Variants in CDH12 observed in about 807,000 individuals in gnomAD.
CDH12 encodes cadherin 12.
In CDH12, 41 loss-of-function variants were observed where a neutral mutation model predicts 74.1. The ratio of observed to expected loss-of-function variants is 0.55; its 90% CI spans 0.43 to 0.72. The LOEUF is 0.72. Among genes scored for constraint, CDH12 ranks in the 30% least tolerant of loss-of-function variants. The pLI is 0.00. For synonymous variants in CDH12, 399 were observed against 355.0 expected (o/e 1.12, Z -1.39); for missense variants, 945 against 977.2 (o/e 0.97, Z 0.44).
chr5:22,664,392 A>T (rs943869488), intron 1 of CDH12, among the ~76,000 whole-genome samples: 2 of 152,116 alleles, frequency 1.3e-5, no homozygotes, highest in Non-Finnish European at 2.9e-5. Flanking sequence ...GGCAGCAGGA[A>T]GGAGAAGTGC....
chr5:22,842,215 A>G (rs370025747), intron 1 of CDH12, among the ~76,000 whole-genome samples: 1 of 152,204 alleles, frequency 6.6e-6, no homozygotes, highest in Non-Finnish European at 1.5e-5. Context: ...TTTAAAATGC[A>G]AACACGTTAC....
chr5:22,048,052 T>C (rs901877478), intron 5 of CDH12, among the ~76,000 whole-genome samples: 2 of 152,058 alleles, frequency 1.3e-5, no homozygotes, highest in African/African-American at 4.8e-5. Context: ...TTTGCAGGGG[T>C]AGGGGTGTGA....
intron 2 of CDH12, among the ~76,000 whole-genome samples, chr5:22,441,428 G>A (rs1744618368): frequency 6.6e-6 from 1 of 152,042 alleles, no homozygotes; most frequent in Non-Finnish European, 1.5e-5. Flanking sequence ...GAAGAATGTG[G>A]CAATATGCTG....
intron 5 of CDH12, among the ~76,000 whole-genome samples, chr5:22,010,422 A>G (rs1737232091): frequency 6.6e-6 from 1 of 152,226 alleles, no homozygotes; most frequent in Non-Finnish European, 1.5e-5. Context: ...TCCCTGATGT[A>G]ACCTGAGCAA....
Position 22,055,661 on chromosome 5 carries a change from CA to C in CDH12, c.231+22784del, listed in dbSNP as rs548326884. Among the ~76,000 whole-genome samples, 947 of 151,498 alleles carry C rather than the reference CA, an allele frequency of 6.3e-3. 2 individuals are homozygous for C. The highest frequency in any genetic ancestry group is 0.022 in the African/African-American group (908 of 41,136). On this transcript the variant is annotated intron_variant, in intron 5 of 14. Coordinates refer to ENST00000382254, the MANE Select transcript of CDH12 (RefSeq NM_004061.5). Reference sequence around the variant, plus strand: ...TAGCTGCTCATGAGCATTACTTGATCAAAAAAATTCACTTAATATTCATTCA... The same window carrying C: ...TAGCTGCTCATGAGCATTACTTGATCAAAAAATTCACTTAATATTCATTCA...
chr5:22,004,270 T>C (rs1736798975), intron 5 of CDH12, among the ~76,000 whole-genome samples: 1 of 152,214 alleles, frequency 6.6e-6, no homozygotes, highest in South Asian at 2.1e-4. Flanking sequence ...TTTTCTGTAG[T>C]AATTGTCAAA....
chr5:22,208,318 G>C (rs1457557933), intron 4 of CDH12, among the ~76,000 whole-genome samples: 1 of 152,112 alleles, frequency 6.6e-6, no homozygotes, highest in Non-Finnish European at 1.5e-5. Context: ...ACCACTGCAT[G>C]GTATGCCTGG....
chr5:22,715,709 G>A (rs899928165), intron 1 of CDH12, among the ~76,000 whole-genome samples: 26 of 151,350 alleles, frequency 1.7e-4, no homozygotes, highest in African/African-American at 5.8e-4. Flanking sequence ...GCTGAGGCAG[G>A]AGAATCGCTT....
chr5:21,942,847 TG>T lies in CDH12; in HGVS notation c.526+32243del, dbSNP rs572722639. Among the ~76,000 whole-genome samples the T allele has an allele frequency of 8.5e-5, 13 of 152,290 alleles. No homozygotes were observed. The East Asian group carries it at 2.5e-3, about 29-fold the overall frequency. ...AATCTCCAGATAACTTTTAATGAGT[TG>T]GCATTGACTAGTATGAGAAAAACAA... is the stretch of plus-strand genomic sequence containing the variant. On this transcript the variant is annotated intron_variant, in intron 6 of 14. Coordinates refer to ENST00000382254, the MANE Select transcript of CDH12 (RefSeq NM_004061.5).
intron 2 of CDH12, among the ~76,000 whole-genome samples, chr5:22,474,341 A>G (rs578187028): frequency 2.4e-4 from 36 of 152,298 alleles, no homozygotes; most frequent in South Asian, 2.1e-4. Context: ...AAGACACATG[A>G]TGTCAGGGGA....
intron 2 of CDH12, among the ~76,000 whole-genome samples, chr5:22,444,733 A>G (rs763750672): frequency 4.6e-4 from 70 of 152,214 alleles, no homozygotes; most frequent in Non-Finnish European, 8.7e-4. Context: ...CACATTACTG[A>G]AAATAAATTA....
chr5:22,358,039 GA>G (rs1419662659), intron 3 of CDH12, among the ~76,000 whole-genome samples: 4 of 152,126 alleles, frequency 2.6e-5, no homozygotes, highest in African/African-American at 9.7e-5. Flanking sequence ...AAAGTGCATT[GA>G]AAGTCCTAAA....
chr5:22,134,001 A>G (rs1746321754), intron 4 of CDH12, among the ~76,000 whole-genome samples: 1 of 152,146 alleles, frequency 6.6e-6, no homozygotes, highest in Non-Finnish European at 1.5e-5. Flanking sequence ...CAGTTTGCAC[A>G]GGGAAAACAA....
rs1359905797 is a variant in CDH12 at position 22,628,866 on chromosome 5, A to G, written c.-522-123502T>C. 2.6e-5 allele frequency among the ~76,000 whole-genome samples: 4 copies of G among 152,032 alleles called. No individual in the cohort carries two copies. The East Asian group carries it at 5.8e-4, about 22-fold the overall frequency. ...AGACTGCTAGCTAGACTAATAAAGA[A>G]AAAAGAGAGAATATCCAAATGAATA... On this transcript the variant is annotated intron_variant, in intron 1 of 14. Coordinates refer to ENST00000382254, the MANE Select transcript of CDH12 (RefSeq NM_004061.5).
intron 3 of CDH12, among the ~76,000 whole-genome samples, chr5:22,280,981 A>G (rs542120375): frequency 6.6e-6 from 1 of 152,314 alleles, no homozygotes; most frequent in East Asian, 1.9e-4. Context: ...TCAATAAAAT[A>G]CTGGCAAACC....
chr5:21,755,992 C>T (rs1325604882), intron 13 of CDH12, 150 bp from the exon 14 acceptor site: 28 of 668,370 alleles, frequency 4.2e-5, no homozygotes, highest in Non-Finnish European at 6.5e-5. Context: ...TGAAAACTGC[C>T]AAAATATAAT....
At chr5:22,530,360 A>G (rs764985731) in intron 1 of CDH12, among the ~76,000 whole-genome samples, 7 of 152,158 alleles carry the variant, frequency 4.6e-5, no homozygotes, top group Non-Finnish European at 8.8e-5. Flanking sequence ...TAAAAGACAG[A>G]AAATCATATT....
At chr5:22,517,076 A>T (rs767009605) in intron 1 of CDH12, among the ~76,000 whole-genome samples, 24 of 152,054 alleles carry the variant, frequency 1.6e-4, no homozygotes, top group Non-Finnish European at 2.8e-4. Context: ...ATATATCAGT[A>T]GGAGAATATA....
At chr5:22,621,322 C>A (rs1338095415) in intron 1 of CDH12, among the ~76,000 whole-genome samples, 1 of 152,120 alleles carries the variant, frequency 6.6e-6, no homozygotes, top group Admixed American at 6.6e-5. Context: ...AGAATGTATT[C>A]ACAGGTAGGA....
Sources: gnomAD v4.1 joint callset for allele counts (sites outside exome capture counted in the v4.1 genomes callset) on GRCh38, gnomAD v4.1.1 for gene constraint, MANE v1.5 for transcripts, NCBI Gene and HGNC (gene_info 2026-07-23, HGNC 2026-07-21) for gene names.